Variants in FARS2 observed in about 807,000 individuals in gnomAD.
FARS2 encodes the protein phenylalanyl-tRNA synthetase 2, mitochondrial, also known as phenylalanine--tRNA ligase, mitochondrial.
A neutral mutation model predicts 46.4 loss-of-function variants in FARS2; 40 were observed. The ratio of observed to expected loss-of-function variants is 0.86; its 90% confidence interval spans 0.67 to 1.12. The LOEUF (loss-of-function observed/expected upper bound fraction) is 1.12, where lower values mean the gene tolerates loss of function less well. Ranked by LOEUF, FARS2 falls within the 50% of genes most tolerant of loss-of-function variation. The pLI is 0.00. For missense variants in FARS2, 513 were observed against 567.9 expected, an observed-to-expected ratio of 0.90 and a Z score of 0.98; for synonymous variants, 234 against 214.9, an observed-to-expected ratio of 1.09 and a Z score of -0.78.
intron 1 of FARS2, among the ~76,000 whole-genome samples, chr6:5,298,826 G>A (rs565440038): frequency 2.2e-5 from 3 of 138,952 alleles, no homozygotes; most frequent in Non-Finnish European, 4.5e-5. Flanking sequence ...TCGTGCCACC[G>A]CACTGCAGCC....
At chr6:5,704,071 C>G (rs1758598224) in intron 6 of FARS2, among the ~76,000 whole-genome samples, 1 of 152,198 alleles carries the variant, frequency 6.6e-6, no homozygotes, top group African/African-American at 2.4e-5. Flanking sequence ...GATGCCAACG[C>G]TGGTCAGCTT....
intron 4 of FARS2, among the ~76,000 whole-genome samples, chr6:5,492,502 C>A (rs1347563849): frequency 1.3e-5 from 2 of 152,186 alleles, no homozygotes; most frequent in Non-Finnish European, 2.9e-5. Flanking sequence ...CATTTCTTCA[C>A]AGCTTTATCT....
chr6:5,272,909 AT>A (rs1766067010), intron 1 of FARS2, among the ~76,000 whole-genome samples: 1 of 152,094 alleles, frequency 6.6e-6, no homozygotes, highest in African/African-American at 2.4e-5. Flanking sequence ...AACATATGGT[AT>A]TTGTCTTTCT....
intron 4 of FARS2, among the ~76,000 whole-genome samples, chr6:5,501,866 C>G (rs1036921964): frequency 1.3e-5 from 2 of 152,186 alleles, no homozygotes; most frequent in African/African-American, 4.8e-5. Flanking sequence ...CTTGATAGAC[C>G]TTTGCTTTGT....
Position 5,444,496 on chromosome 6 carries a change from G to A in FARS2, c.904+13324G>A, listed in dbSNP as rs2326611. On this transcript the variant is annotated intron_variant, in intron 4 of 6. Transcript: ENST00000274680. ...AAAAAAAAAAAAAAAAAAAAAAAGA[G>A]AGAGAGAGAGAGAGAGAGGAAAAAA... Among the ~76,000 whole-genome samples the A allele has an allele frequency of 7.2e-3, 378 of 52,164 alleles. 12 individuals are homozygous for A. Among genetic ancestry groups the A allele is most frequent in the African/African-American group, 0.021 (226 of 10,794 alleles). 34.2% of individuals were successfully genotyped at this position (52,164 alleles called of 152,430 possible).
At chr6:5,363,068 A>G (rs1159436797) in intron 1 of FARS2, among the ~76,000 whole-genome samples, 1 of 151,712 alleles carries the variant, frequency 6.6e-6, no homozygotes, top group Non-Finnish European at 1.5e-5. Context: ...CTGGGACTAC[A>G]GGTGCCCGCC....
chr6:5,376,687 G>T (rs1427381048), intron 2 of FARS2, among the ~76,000 whole-genome samples: 2 of 152,100 alleles, frequency 1.3e-5, no homozygotes, highest in African/African-American at 4.8e-5. Flanking sequence ...CAAGTACACC[G>T]CGAGTGGTAC....
At chr6:5,684,058 A>G (rs1779169330) in intron 6 of FARS2, among the ~76,000 whole-genome samples, 1 of 152,144 alleles carries the variant, frequency 6.6e-6, no homozygotes, top group African/African-American at 2.4e-5. Flanking sequence ...CTTTGCTCAA[A>G]ATAGCAGTTT....
At chr6:5,541,114 A>C (rs544024735) in intron 4 of FARS2, among the ~76,000 whole-genome samples, 11 of 152,184 alleles carry the variant, frequency 7.2e-5, no homozygotes, top group Non-Finnish European at 1.6e-4. Flanking sequence ...TTGTGGGTTT[A>C]AATATATATG....
chr6:5,407,613 T>A (rs1029383139), intron 3 of FARS2, among the ~76,000 whole-genome samples: 1 of 151,864 alleles, frequency 6.6e-6, no homozygotes, highest in Admixed American at 6.6e-5. Flanking sequence ...TTTTTTTTTT[T>A]AAACTAAAGT....
intron 6 of FARS2, among the ~76,000 whole-genome samples, chr6:5,745,290 G>A (rs1407403266): frequency 2.6e-5 from 4 of 152,238 alleles, no homozygotes; most frequent in African/African-American, 9.6e-5. Flanking sequence ...TGCCACCCAT[G>A]GCCTTGTGCC....
chr6:5,317,356 T>C (rs1448773360), intron 1 of FARS2, among the ~76,000 whole-genome samples: 2 of 152,204 alleles, frequency 1.3e-5, no homozygotes, highest in African/African-American at 2.4e-5. Flanking sequence ...GCAGTGGTTT[T>C]TGAATTATCA....
At chr6:5,334,317 G>A (rs572307230) in intron 1 of FARS2, among the ~76,000 whole-genome samples, 8 of 152,224 alleles carry the variant, frequency 5.3e-5, no homozygotes, top group African/African-American at 1.9e-4. Flanking sequence ...GATCCATTTG[G>A]CCCTATCTGT....
At chr6:5,436,604 C>T (rs563222684) in intron 4 of FARS2, among the ~76,000 whole-genome samples, 4 of 152,202 alleles carry the variant, frequency 2.6e-5, no homozygotes, top group East Asian at 1.9e-4. Flanking sequence ...TTTGTGAGAA[C>T]GAGCTTTGTG....
intron 2 of FARS2, among the ~76,000 whole-genome samples, chr6:5,397,078 C>T (rs1408588130): frequency 6.6e-6 from 1 of 152,088 alleles, no homozygotes. Flanking sequence ...AAAATACAAT[C>T]TCAAATACGT....
chr6:5,651,878 C>G (rs959325917), intron 6 of FARS2, among the ~76,000 whole-genome samples: 1 of 152,074 alleles, frequency 6.6e-6, no homozygotes, highest in African/African-American at 2.4e-5. Context: ...CCCAGGCTGT[C>G]CACACTCATA....
chr6:5,404,813 T>C (rs1395166503), intron 3 of FARS2, 112 bp downstream of exon 3: 67 of 754,954 alleles, frequency 8.9e-5, no homozygotes, highest in African/African-American at 3.4e-4. Flanking sequence ...TTTTTTTTTT[T>C]CCCCGAGACG....
intron 1 of FARS2, among the ~76,000 whole-genome samples, chr6:5,332,062 C>T (rs1370231543): frequency 6.6e-6 from 1 of 152,134 alleles, no homozygotes; most frequent in African/African-American, 2.4e-5. Context: ...CCTTTAGTTT[C>T]AGACAGGAAA....
At chr6:5,432,237 A>T (rs1447730417) in intron 4 of FARS2, among the ~76,000 whole-genome samples, 1 of 144,722 alleles carries the variant, frequency 6.9e-6, no homozygotes, top group African/African-American at 2.6e-5. Context: ...AATCACTTGA[A>T]CCCAGGAGGC....
Sources: gnomAD v4.1 joint callset for allele counts (sites outside exome capture counted in the v4.1 genomes callset) on GRCh38, gnomAD v4.1.1 for gene constraint, MANE v1.5 for transcripts, NCBI Gene and HGNC (gene_info 2026-07-23, HGNC 2026-07-21) for gene names.